FBXL20: variants seen among roughly 807,000 people sequenced by gnomAD.
FBXL20 encodes F-box/LRR-repeat protein 20.
In FBXL20, 11 loss-of-function variants were observed where a neutral mutation model predicts 64.0. That is an observed-to-expected ratio of 0.17 (90% CI 0.11 to 0.28). The LOEUF (loss-of-function observed/expected upper bound fraction) is 0.28. Among genes scored for constraint, FBXL20 ranks in the 10% least tolerant of loss-of-function variants. The probability of loss-of-function intolerance (pLI) is 1.00; values close to 1 mark genes in which losing one functional copy is unlikely to be tolerated. For synonymous variants in FBXL20, 184 were observed against 189.0 expected (o/e 0.97, Z 0.22); for missense variants, 303 against 526.2 (o/e 0.58, Z 4.15).
chr17:39,334,250 T>C (rs1270958716), intron 2 of FBXL20, among the ~76,000 whole-genome samples: 1 of 152,156 alleles, frequency 6.6e-6, no homozygotes, highest in Admixed American at 6.5e-5. Context: ...ATGTGCTTTG[T>C]TAAACAGATG....
At chr17:39,324,859 A>G (rs1485597291) in intron 2 of FBXL20, among the ~76,000 whole-genome samples, 3 of 152,194 alleles carry the variant, frequency 2.0e-5, no homozygotes, top group Non-Finnish European at 4.4e-5. Flanking sequence ...TAAAAAATGA[A>G]TGTCAATGAT....
intron 2 of FBXL20, among the ~76,000 whole-genome samples, chr17:39,331,350 C>A (rs2047459361): frequency 6.6e-6 from 1 of 152,186 alleles, no homozygotes; most frequent in Admixed American, 6.5e-5. Flanking sequence ...TTCTGCCCGC[C>A]TCGGCCTCCC....
upstream of FBXL20, chr17:39,402,429 CA>C (rs2048258713): frequency 2.6e-6 from 1 of 377,858 alleles, no homozygotes; most frequent in Non-Finnish European, 4.7e-6. Flanking sequence ...AGCAACAGGC[CA>C]AGTGCCCGCC....
intron 1 of FBXL20, among the ~76,000 whole-genome samples, chr17:39,397,005 T>C (rs1472015843): frequency 6.6e-6 from 1 of 152,054 alleles, no homozygotes; most frequent in Admixed American, 6.6e-5. Context: ...CAATGTAGTA[T>C]GCTCTTTTTG....
intron 1 of FBXL20, among the ~76,000 whole-genome samples, chr17:39,364,079 G>A (rs978397174): frequency 5.9e-5 from 9 of 151,436 alleles, no homozygotes; most frequent in South Asian, 2.1e-4. Flanking sequence ...TAGTACAGAC[G>A]GGGTTTCACC....
rs2046744171 is a variant in FBXL20, at chr17:39,261,416, G to A, written c.*44C>T. 6.9e-7 allele frequency: 1 copy of A among 1,458,834 alleles called. No homozygotes were observed. Among genetic ancestry groups the A allele is most frequent in the African/African-American group, 1.4e-5 (1 of 71,690 alleles). 90.4% of individuals were successfully genotyped at this position (1,458,834 alleles called of 1,614,324 possible). Reference sequence around the variant, plus strand: ...GAGAGACTCCACGGTAGCTCTAGAAGTGTCATTAAATACTCAGTTCGCCAA... The same window carrying A: ...GAGAGACTCCACGGTAGCTCTAGAAATGTCATTAAATACTCAGTTCGCCAA... On this transcript the variant is annotated 3_prime_UTR_variant, in exon 15 of 15. Transcript: ENST00000264658.
At chr17:39,320,460 C>A (rs1278562946) in intron 2 of FBXL20, among the ~76,000 whole-genome samples, 1 of 152,084 alleles carries the variant, frequency 6.6e-6, no homozygotes, top group South Asian at 2.1e-4. Flanking sequence ...GGTTTACCAA[C>A]TTCTGACTCT....
intron 10 of FBXL20, among the ~76,000 whole-genome samples, chr17:39,274,638 A>G (rs1319979182): frequency 6.6e-6 from 1 of 152,204 alleles, no homozygotes; most frequent in Non-Finnish European, 1.5e-5. Context: ...CTTAGGGTGG[A>G]CCTTTAAAAA....
chr17:39,364,144 T>G (rs1198407098), intron 1 of FBXL20, among the ~76,000 whole-genome samples: 2 of 151,852 alleles, frequency 1.3e-5, no homozygotes, highest in Admixed American at 6.6e-5. Context: ...CCCACCTCAG[T>G]CTCCCAAAGT....
At chr17:39,349,852 C>T (rs532875690) in intron 1 of FBXL20, among the ~76,000 whole-genome samples, 66 of 151,524 alleles carry the variant, frequency 4.4e-4, no homozygotes, top group Admixed American at 7.2e-4. Flanking sequence ...AGGAGAATGG[C>T]ATGAACCCGG....
At chr17:39,359,096 T>C (rs1371200093) in intron 1 of FBXL20, among the ~76,000 whole-genome samples, 1 of 152,148 alleles carries the variant, frequency 6.6e-6, no homozygotes, top group African/African-American at 2.4e-5. Context: ...CACACCACTT[T>C]GGGAGGCTGC....
intron 6 of FBXL20, among the ~76,000 whole-genome samples, chr17:39,289,315 C>A (rs2047016660): frequency 6.6e-6 from 1 of 152,184 alleles, no homozygotes; most frequent in Non-Finnish European, 1.5e-5. Context: ...TTTATTGGAA[C>A]TGCACTGAAT....
At chr17:39,359,184 A>C (rs1207487113) in intron 1 of FBXL20, among the ~76,000 whole-genome samples, 3 of 152,108 alleles carry the variant, frequency 2.0e-5, no homozygotes, top group Non-Finnish European at 4.4e-5. Flanking sequence ...AAATATAAAA[A>C]ATTAGCGTGG....
intron 6 of FBXL20, among the ~76,000 whole-genome samples, chr17:39,293,265 A>G (rs895611461): frequency 6.6e-6 from 1 of 150,506 alleles, no homozygotes; most frequent in Admixed American, 6.7e-5. Context: ...TCTGTCGCCC[A>G]GGCTGGAGTG....
At chr17:39,290,751 T>A (rs1236436397) in intron 6 of FBXL20, among the ~76,000 whole-genome samples, 1 of 151,910 alleles carries the variant, frequency 6.6e-6, no homozygotes, top group Non-Finnish European at 1.5e-5. Context: ...TTTGTAGAGA[T>A]GGGGTCCCAC....
intron 6 of FBXL20, among the ~76,000 whole-genome samples, chr17:39,290,945 T>C (rs1183885869): frequency 6.6e-6 from 1 of 150,772 alleles, no homozygotes; most frequent in Non-Finnish European, 1.5e-5. Flanking sequence ...TTTTACTTTA[T>C]AAGTCTTCTC....
chr17:39,264,463 G>A lies in FBXL20; in HGVS notation c.991-76C>T, dbSNP rs1291332537. ...TCTAGCCAGAGGCTTGTGTGAATTGGAAAGGAGACATTTTGGTTTGATTTT... is the reference window on the plus strand; with the variant it reads ...TCTAGCCAGAGGCTTGTGTGAATTGAAAAGGAGACATTTTGGTTTGATTTT... On this transcript the variant is annotated intron_variant, in intron 13 of 14. Transcript: ENST00000264658. The A allele has an allele frequency of 3.3e-6, 5 of 1,508,056 alleles. No individual in the cohort carries two copies. In the East Asian group the frequency reaches 6.9e-5, roughly 21 times the overall value. 93.4% of individuals were successfully genotyped at this position (1,508,056 alleles called of 1,614,324 possible).
chr17:39,312,605 ACT>A (rs1196769740), intron 2 of FBXL20, among the ~76,000 whole-genome samples: 2 of 89,250 alleles, frequency 2.2e-5, no homozygotes, highest in Non-Finnish European at 4.0e-5. Context: ...ATGGAGTCTC[ACT>A]CTGTCCCCTG....
chr17:39,299,735 C>A (rs1186146629), intron 4 of FBXL20, among the ~76,000 whole-genome samples: 2 of 151,870 alleles, frequency 1.3e-5, no homozygotes, highest in African/African-American at 2.4e-5. Context: ...GAGCCCAGGT[C>A]TTGCTCCACT....
Sources: gnomAD v4.1 joint callset for allele counts (sites outside exome capture counted in the v4.1 genomes callset) on GRCh38, gnomAD v4.1.1 for gene constraint, MANE v1.5 for transcripts, NCBI Gene and HGNC (gene_info 2026-07-23, HGNC 2026-07-21) for gene names.